Variants in IRAG2 observed in about 807,000 individuals in gnomAD.
The protein encoded by IRAG2 is inositol 1,4,5-triphosphate receptor associated 2.
A neutral mutation model predicts 69.9 loss-of-function variants in IRAG2; 45 were observed. That is an observed-to-expected ratio of 0.64 (90% CI 0.51 to 0.83). The LOEUF is 0.83. IRAG2 is among the 40% of genes least tolerant of loss of function. The pLI is 0.00. For missense variants in IRAG2, 520 were observed against 587.0 expected (o/e 0.89, Z 1.18); for synonymous variants, 193 against 202.4 (o/e 0.95, Z 0.40).
intron 1 of IRAG2, among the ~76,000 whole-genome samples, chr12:25,055,385 C>A (rs574874487): frequency 6.6e-6 from 1 of 152,184 alleles, no homozygotes; most frequent in African/African-American, 2.4e-5. Flanking sequence ...TCTTCTGCAT[C>A]TAAACTTTGT....
Position 25,069,354 on chromosome 12 carries a change from C to G in IRAG2, c.-54C>G. 1 of 1,518,002 alleles carries G rather than the reference C, an allele frequency of 6.6e-7. No homozygotes were observed. The highest frequency in any genetic ancestry group is 1.1e-5 in the South Asian group (1 of 87,888). The allele number at this position is 1,518,002 out of a possible 1,614,324, so 94.0% of individuals were successfully genotyped here. A position where few individuals can be genotyped will look rare whatever the true frequency, so the allele number is the denominator to read the frequency against. On this transcript the variant is annotated 5_prime_UTR_variant, in exon 6 of 22. Coordinates refer to ENST00000556887, the MANE Select transcript of IRAG2 (RefSeq NM_001366544.2). Reference sequence around the variant, plus strand: ...AACTCTACTTCCTACTGCCAGGTGCCCAGGCCCCACAAGTGGCCCCAGCCC... The same window carrying G: ...AACTCTACTTCCTACTGCCAGGTGCGCAGGCCCCACAAGTGGCCCCAGCCC...
At position 25,100,946 on chromosome 12, in the gene IRAG2, A is replaced by C; in HGVS notation, c.742-232A>C. The stretch of plus-strand genomic sequence containing the variant: ...TTTCTTACTGCCTTTTTTAGGGTTC[A>C]GCTTTTCCAGGTCTTAGTCATTTGC... On this transcript the variant is annotated intron_variant, in intron 15 of 21. Coordinates refer to ENST00000556887, the MANE Select transcript of IRAG2 (RefSeq NM_001366544.2). 2 of 351,200 alleles carry C rather than the reference A, an allele frequency of 5.7e-6. 1 individual carries two copies. Among genetic ancestry groups the C allele is most frequent in the East Asian group, 9.3e-5 (2 of 21,502 alleles). The allele number at this position is 351,200 out of a possible 1,614,324, so 21.8% of individuals were successfully genotyped here.
intron 1 of IRAG2, among the ~76,000 whole-genome samples, chr12:25,057,728 G>A (rs566238662): frequency 1.4e-4 from 21 of 152,070 alleles, no homozygotes; most frequent in East Asian, 9.7e-4. Context: ...ATCAAAACAC[G>A]GAATTTCTAT....
At chr12:25,037,891 T>A (rs1944714459) in intron 15 of IRAG2, 2 of 397,680 alleles carry the variant, frequency 5.0e-6, no homozygotes, top group African/African-American at 2.1e-5. Context: ...AGATGGAATG[T>A]CCACAGCTTT....
chr12:25,099,186 A>C (rs1948602232), intron 15 of IRAG2, among the ~76,000 whole-genome samples: 1 of 152,170 alleles, frequency 6.6e-6, no homozygotes, highest in African/African-American at 2.4e-5. Context: ...GCTCCAGAGC[A>C]GAGTATGCTA....
At chr12:25,039,855 G>T (rs1384748543) in intron 16 of IRAG2, among the ~76,000 whole-genome samples, 1 of 152,160 alleles carries the variant, frequency 6.6e-6, no homozygotes, top group Non-Finnish European at 1.5e-5. Flanking sequence ...ATAACAGTAG[G>T]TGTCATTTGT....
chr12:25,054,849 G>A (rs985244632), intron 1 of IRAG2, among the ~76,000 whole-genome samples: 14 of 152,062 alleles, frequency 9.2e-5, no homozygotes, highest in Admixed American at 6.6e-5. Flanking sequence ...TAGATAGCAC[G>A]TATTTTCAAA....
At chr12:25,005,034 T>G (rs1404468289) in intron 1 of IRAG2, 2 of 675,462 alleles carry the variant, frequency 3.0e-6, no homozygotes, top group Non-Finnish European at 4.2e-6. Context: ...TCATCCATCT[T>G]TCCCTTTCTG....
At chr12:25,003,424 C>A (rs1357997381), upstream of IRAG2, among the ~76,000 whole-genome samples, 1 of 152,064 alleles carries the variant, frequency 6.6e-6, no homozygotes, top group African/African-American at 2.4e-5. Context: ...CTTCATGGCT[C>A]ACTGAAGCCC....
intron 5 of IRAG2, among the ~76,000 whole-genome samples, chr12:25,067,745 G>T (rs1391585905): frequency 6.6e-6 from 1 of 152,120 alleles, no homozygotes; most frequent in African/African-American, 2.4e-5. Flanking sequence ...TGGGCTCACT[G>T]AAACCTTGAC....
chr12:25,037,372 C>A (rs1272241864), intron 15 of IRAG2, among the ~76,000 whole-genome samples: 1 of 152,130 alleles, frequency 6.6e-6, no homozygotes, highest in African/African-American at 2.4e-5. Context: ...GATCTTAGCT[C>A]ACTGCAAACT....
At chr12:25,070,599 G>A (rs1946279512) in intron 6 of IRAG2, among the ~76,000 whole-genome samples, 1 of 152,206 alleles carries the variant, frequency 6.6e-6, no homozygotes, top group Non-Finnish European at 1.5e-5. Context: ...GCTATTATGA[G>A]CATCAGTGTA....
intron 7 of IRAG2, chr12:25,021,091 C>CTTTTTTTTTTTTTTTTTTTTTTTTT (rs71063389): frequency 7.5e-6 from 2 of 266,022 alleles, no homozygotes; most frequent in Non-Finnish European, 1.3e-5. Flanking sequence ...TCTTTCTTTT[C>CTTTTTTTTTTTTTTTTTTTTTTTTT]TTTTTTTTTT....
chr12:25,049,549 CA>C (rs1369329360), upstream of IRAG2, among the ~76,000 whole-genome samples: 2 of 152,140 alleles, frequency 1.3e-5, no homozygotes, highest in African/African-American at 2.4e-5. Flanking sequence ...TAAAAATAGA[CA>C]AAAGACTTGA....
upstream of IRAG2, among the ~76,000 whole-genome samples, chr12:25,001,910 C>T (rs11829348): frequency 5.3e-4 from 81 of 151,946 alleles, 1 homozygote; most frequent in African/African-American, 1.0e-3. Context: ...GCTGGGATTA[C>T]AGGCATGTAC....
intron 6 of IRAG2, among the ~76,000 whole-genome samples, chr12:25,017,806 C>T (rs1411321530): frequency 1.3e-5 from 2 of 152,084 alleles, no homozygotes; most frequent in African/African-American, 2.4e-5. Context: ...ATTTTCACCA[C>T]TCCAAAAAGA....
chr12:25,036,260 C>T (rs1395204205), intron 14 of IRAG2, among the ~76,000 whole-genome samples: 1 of 151,534 alleles, frequency 6.6e-6, no homozygotes, highest in Non-Finnish European at 1.5e-5. Flanking sequence ...CATTTTGGTA[C>T]ATTTTACATT....
At chr12:25,051,738 C>T (rs1944876985), upstream of IRAG2, among the ~76,000 whole-genome samples, 1 of 152,156 alleles carries the variant, frequency 6.6e-6, no homozygotes, top group Non-Finnish European at 1.5e-5. Context: ...GCTCGTGGCA[C>T]GTGTTTATAC....
intron 15 of IRAG2, among the ~76,000 whole-genome samples, chr12:25,098,515 G>C (rs922664218): frequency 6.6e-6 from 1 of 152,118 alleles, no homozygotes; most frequent in Non-Finnish European, 1.5e-5. Flanking sequence ...CCTATCCAAG[G>C]CCAGCCTTCC....
Sources: allele counts gnomAD v4.1 joint callset (sites outside exome capture counted in the v4.1 genomes callset), GRCh38; gene constraint gnomAD v4.1.1; transcripts MANE v1.5; gene names NCBI Gene and HGNC (gene_info 2026-07-23, HGNC 2026-07-21).